Variants in SLCO2B1 observed in about 807,000 individuals in gnomAD.
SLCO2B1 encodes OATP-RP2.
Under a neutral mutation model 67.3 loss-of-function variants are expected in SLCO2B1, and 41 were observed. That is an observed-to-expected ratio of 0.61 (90% confidence interval 0.47 to 0.79). SLCO2B1 has a LOEUF of 0.79. SLCO2B1 is among the 30% of genes least tolerant of loss of function. SLCO2B1 has a pLI of 0.00. For missense variants in SLCO2B1, 837 were observed against 920.1 expected (o/e 0.91, Z 1.17); for synonymous variants, 379 against 381.4 (o/e 0.99, Z 0.07).
At chr11:75,163,216 A>G (rs1189963406) in intron 2 of SLCO2B1, among the ~76,000 whole-genome samples, 1 of 152,200 alleles carries the variant, frequency 6.6e-6, no homozygotes, top group African/African-American at 2.4e-5. Context: ...TTTAGTTCTC[A>G]CAATATCCCT....
chr11:75,202,949 G>T lies in SLCO2B1; in HGVS notation c.1812G>T (p.Met604Ile), dbSNP rs754635131. 1 of 1,613,946 alleles carries T rather than the reference G, an allele frequency of 6.2e-7. No individual in the cohort carries two copies. Among genetic ancestry groups the T allele is most frequent in the Non-Finnish European group, 8.5e-7 (1 of 1,179,962 alleles). ...DKTLAVGIQF[M>I]FLRILAWMPS... ...CTTTGGCTGTGGGCATCCAGTTCAT[G>T]TTCCTGAGGATTTTGGGTAAAGATC... Residue 604 changes from methionine (M) to isoleucine (I), a missense_variant, in exon 12 of 14, where the codon ATG (methionine) becomes ATT (isoleucine). Transcript: ENST00000289575.
chr11:75,167,381 G>A (rs1402758217), intron 4 of SLCO2B1, among the ~76,000 whole-genome samples: 2 of 152,154 alleles, frequency 1.3e-5, no homozygotes, highest in African/African-American at 4.8e-5. Flanking sequence ...GGTCATGCAT[G>A]TTCTTCATCC....
chr11:75,152,899 C>T (rs983125615), intron 1 of SLCO2B1, among the ~76,000 whole-genome samples: 2 of 152,134 alleles, frequency 1.3e-5, no homozygotes, highest in Non-Finnish European at 1.5e-5. Flanking sequence ...GGACACAGAG[C>T]CTGCAGCCTG....
chr11:75,166,896 CCCT>C (rs1373023866), intron 4 of SLCO2B1, among the ~76,000 whole-genome samples: 1 of 152,224 alleles, frequency 6.6e-6, no homozygotes, highest in African/African-American at 2.4e-5. Context: ...CAGGTTTCCT[CCCT>C]CCTCCTCCCA....
chr11:75,178,265 TG>T (rs2140322409), intron 7 of SLCO2B1, among the ~76,000 whole-genome samples: 1 of 152,182 alleles, frequency 6.6e-6, no homozygotes, highest in African/African-American at 2.4e-5. Flanking sequence ...ATCTGTAAAA[TG>T]GGTATAACCA....
intron 1 of SLCO2B1, among the ~76,000 whole-genome samples, chr11:75,153,619 A>G (rs1949715286): frequency 6.6e-6 from 1 of 152,190 alleles, no homozygotes; most frequent in Admixed American, 6.5e-5. Context: ...GAGCATGGCC[A>G]GGGAAGGAGA....
At position 75,193,980 on chromosome 11, in the gene SLCO2B1, C is replaced by G. The variant is rs1414765374; in HGVS notation, c.1433+405C>G. Among the ~76,000 whole-genome samples, 1 of 152,170 alleles carries G rather than the reference C, an allele frequency of 6.6e-6. No homozygotes were observed. The highest frequency in any genetic ancestry group is 1.5e-5 in the Non-Finnish European group (1 of 68,028). Reference sequence around the variant, plus strand: ...TGGCCTGCCCAGGAGGAAGCATGCTCTCCATCCTGGGGACGAGAGGGGATG... The same window carrying G: ...TGGCCTGCCCAGGAGGAAGCATGCTGTCCATCCTGGGGACGAGAGGGGATG... On this transcript the variant is annotated intron_variant, in intron 9 of 13. Transcript: ENST00000289575. This position sits in a 1 kb window ranked among gnomAD's most constrained non-coding sequence, Gnocchi z 4.2.
In SLCO2B1 at chr11:75,200,358, C is replaced by T. The variant is rs148792143; in HGVS notation, c.1734C>T (p.Thr578=). The T allele has an allele frequency of 1.9e-6, 3 of 1,610,488 alleles. No homozygotes were observed. The highest frequency in any genetic ancestry group is 2.5e-6 in the Non-Finnish European group (3 of 1,178,258). Residue 578 remains threonine, a synonymous_variant, in exon 11 of 14, where the codon ACC becomes ACT. Transcript: ENST00000289575. Reference sequence around the variant, plus strand: ...TGGGCTCGGCCCTGGCCTGTCTCACCCACACACCCTCCTTCATGCTCATCC... The same window carrying T: ...TGGGCTCGGCCCTGGCCTGTCTCACTCACACACCCTCCTTCATGCTCATCC... The part of the protein sequence containing the change: ...VSLGSALACL[T]HTPSFMLILR...
At chr11:75,192,479 G>A (rs1035312143) in intron 8 of SLCO2B1, among the ~76,000 whole-genome samples, 2 of 152,170 alleles carry the variant, frequency 1.3e-5, no homozygotes, top group African/African-American at 2.4e-5. Flanking sequence ...TGGGGCCTGT[G>A]TTTGGGATGC....
chr11:75,171,288 A>G (rs1949957944), intron 6 of SLCO2B1, among the ~76,000 whole-genome samples: 1 of 152,138 alleles, frequency 6.6e-6, no homozygotes, highest in African/African-American at 2.4e-5. Flanking sequence ...GTTTTGAGAC[A>G]GGGTCTCACT....
At chr11:75,168,946 G>C (rs2099919958) in intron 4 of SLCO2B1, among the ~76,000 whole-genome samples, 1 of 152,158 alleles carries the variant, frequency 6.6e-6, no homozygotes, top group Non-Finnish European at 1.5e-5. Context: ...GGACTCTGAA[G>C]CCAGACCTCC....
intron 3 of SLCO2B1, among the ~76,000 whole-genome samples, chr11:75,165,322 C>G (rs1949874014): frequency 6.6e-6 from 1 of 151,874 alleles, no homozygotes; most frequent in African/African-American, 2.4e-5. Flanking sequence ...ATCTCAGCTA[C>G]TTGGGAGGCT....
In SLCO2B1 at chr11:75,196,338, C is replaced by T. The variant is rs144977667; in HGVS notation, c.1434-176C>T. 1.4e-5 allele frequency: 9 copies of T among 625,252 alleles called. No homozygotes were observed. The African/African-American group carries it at 1.5e-4, about 10-fold the overall frequency. The allele number at this position is 625,252 out of a possible 1,614,324, so 38.7% of individuals were successfully genotyped here. A position where few individuals can be genotyped will look rare whatever the true frequency, so the allele number is the denominator to read the frequency against. On this transcript the variant is annotated intron_variant, in intron 9 of 13. Coordinates refer to ENST00000289575, the MANE Select transcript of SLCO2B1 (RefSeq NM_007256.5). The stretch of plus-strand genomic sequence containing the variant: ...GGGGGCCTGTCTCCATACTTGCCCA[C>T]CTTCATTGCAAGGAGCTCACTATCA...
intron 3 of SLCO2B1, among the ~76,000 whole-genome samples, chr11:75,164,534 C>T (rs1272448890): frequency 2.0e-5 from 3 of 152,072 alleles, no homozygotes; most frequent in Admixed American, 6.5e-5. Context: ...GGTGTCTGTC[C>T]TTAGAACTGC....
chr11:75,184,768 C>A (rs1359670878), intron 7 of SLCO2B1, among the ~76,000 whole-genome samples: 1 of 152,194 alleles, frequency 6.6e-6, no homozygotes, highest in Admixed American at 6.5e-5. Context: ...AACCCACAGA[C>A]TGCTCTGTCT....
intron 4 of SLCO2B1, among the ~76,000 whole-genome samples, chr11:75,168,369 G>T (rs945090310): frequency 1.3e-5 from 2 of 152,140 alleles, no homozygotes; most frequent in African/African-American, 2.4e-5. Context: ...TCCGTGCTGG[G>T]TTGACACAGC....
intron 1 of SLCO2B1, among the ~76,000 whole-genome samples, chr11:75,157,903 G>A (rs1949766282): frequency 6.6e-6 from 1 of 152,002 alleles, no homozygotes; most frequent in Non-Finnish European, 1.5e-5. Flanking sequence ...CTCCCACCTC[G>A]GCCTCCCAAA....
intron 7 of SLCO2B1, among the ~76,000 whole-genome samples, chr11:75,186,565 C>T (rs1017914718): frequency 6.6e-6 from 1 of 151,822 alleles, no homozygotes; most frequent in Non-Finnish European, 1.5e-5. Flanking sequence ...GTTGCCCAGG[C>T]TGGTCTTGAA....
chr11:75,193,299 T>C lies in SLCO2B1; in HGVS notation c.1157T>C (p.Met386Thr). Reference protein sequence around the residue: ...VVLSQVCLSSMAAGMATFLPK... With the variant: ...VVLSQVCLSSTAAGMATFLPK... ...CTGTCCCAGGTATGCTTGTCATCCATGGCTGCGGGCATGGCCACCTTCCTG... is the reference window on the plus strand; with the variant it reads ...CTGTCCCAGGTATGCTTGTCATCCACGGCTGCGGGCATGGCCACCTTCCTG... Residue 386 changes from methionine (M) to threonine (T), a missense_variant, in exon 9 of 14, where the codon ATG becomes ACG. Transcript: ENST00000289575. This position sits in a 1 kb window ranked among gnomAD's most constrained non-coding sequence, Gnocchi z 4.2. 1 of 1,614,056 alleles carries C rather than the reference T, an allele frequency of 6.2e-7. No homozygotes were observed. The highest frequency in any genetic ancestry group is 8.5e-7 in the Non-Finnish European group (1 of 1,180,024).
Sources: gnomAD v4.1 joint callset for allele counts (sites outside exome capture counted in the v4.1 genomes callset) on GRCh38, gnomAD v4.1.1 for gene constraint, Gnocchi (gnomAD v3.1) non-coding constraint, MANE v1.5 for transcripts, NCBI Gene and HGNC (gene_info 2026-07-23, HGNC 2026-07-21) for gene names.